Variants in HIVEP3 observed in about 807,000 individuals in gnomAD.
The protein encoded by HIVEP3 is transcription factor HIVEP3.
Under a neutral mutation model 152.8 loss-of-function variants are expected in HIVEP3, and 49 were observed. The observed-to-expected ratio is 0.32, with a 90% CI of 0.26 to 0.41. The LOEUF (loss-of-function observed/expected upper bound fraction) is 0.41, where lower values mean the gene tolerates loss of function less well. Ranked by LOEUF, HIVEP3 falls within the 10% of genes least tolerant of loss-of-function variation. The pLI, the probability that HIVEP3 is intolerant of heterozygous loss-of-function variation, is 1.00. For synonymous variants in HIVEP3, 1,269 were observed against 1,289.0 expected, an observed-to-expected ratio of 0.98 and a Z score of 0.33; for missense variants, 2,790 against 3,103.3, an observed-to-expected ratio of 0.90 and a Z score of 2.40.
At chr1:41,724,903 G>A (rs2124175349) in intron 1 of HIVEP3, among the ~76,000 whole-genome samples, 1 of 152,372 alleles carries the variant, frequency 6.6e-6, no homozygotes, top group Non-Finnish European at 1.5e-5. Context: ...GACTCCGGTT[G>A]TGCTCTCACA....
intron 4 of HIVEP3, among the ~76,000 whole-genome samples, chr1:41,577,198 G>A (rs747837612): frequency 1.4e-4 from 22 of 152,190 alleles, no homozygotes; most frequent in Non-Finnish European, 2.8e-4. Context: ...TTTAGCTTTT[G>A]ATGACAACAA....
At position 41,998,887 on chromosome 1, in the gene HIVEP3, C is replaced by CTTTTTTT. The variant is rs1184823372; in HGVS notation, n.119+36919_119+36920insAAAAAAA. ...GCTGGTTTTTAATACTTTTCTCTCTCTCTTTTTTTTTTTTTTTTTTTTTTT... is the reference window on the plus strand; with the variant it reads ...GCTGGTTTTTAATACTTTTCTCTCTCTTTTTTTTCTTTTTTTTTTTTTTTTTTTTTTT... On this transcript the variant is annotated intron_variant and non_coding_transcript_variant, in intron 1 of 3. Coordinates refer to the HIVEP3 transcript ENST00000489103. Among the ~76,000 whole-genome samples the CTTTTTTT allele has an allele frequency of 8.2e-3, 632 of 77,216 alleles. 36 individuals are homozygous for CTTTTTTT. The highest frequency in any genetic ancestry group is 0.011 in the East Asian group (18 of 1,592). The allele number at this position is 77,216 out of a possible 152,430, so 50.7% of individuals were successfully genotyped here. A position where few individuals can be genotyped will look rare whatever the true frequency, so the allele number is the denominator to read the frequency against.
chr1:41,875,921 C>G (rs79939061), intron 1 of HIVEP3, among the ~76,000 whole-genome samples: 1 of 152,166 alleles, frequency 6.6e-6, no homozygotes, highest in Non-Finnish European at 1.5e-5. Flanking sequence ...TCTCCCCCAC[C>G]GGGATGCAAG....
intron 5 of HIVEP3, among the ~76,000 whole-genome samples, chr1:41,547,942 G>A (rs1343409149): frequency 6.6e-6 from 1 of 151,694 alleles, no homozygotes; most frequent in East Asian, 1.9e-4. Context: ...AGCCTCCCTA[G>A]CACCCCTTTC....
chr1:41,868,477 C>G (rs949666326), intron 1 of HIVEP3, among the ~76,000 whole-genome samples: 1 of 152,108 alleles, frequency 6.6e-6, no homozygotes, highest in Non-Finnish European at 1.5e-5. Context: ...GCCAGATGAA[C>G]CGATAAGACA....
chr1:41,687,312 A>G (rs564961382), intron 2 of HIVEP3, among the ~76,000 whole-genome samples: 80 of 152,356 alleles, frequency 5.3e-4, no homozygotes, highest in African/African-American at 1.9e-3. Context: ...CCAAGATGAC[A>G]TAACCTGACT....
intron 1 of HIVEP3, among the ~76,000 whole-genome samples, chr1:42,001,269 T>C (rs1007164233): frequency 6.6e-6 from 1 of 152,216 alleles, no homozygotes; most frequent in Non-Finnish European, 1.5e-5. Flanking sequence ...CACTGAACTG[T>C]CAGCTCAGAA....
intron 5 of HIVEP3, among the ~76,000 whole-genome samples, chr1:41,526,454 ATGCT>A (rs1642916216): frequency 8.7e-6 from 1 of 114,530 alleles, no homozygotes; most frequent in African/African-American, 3.4e-5. Flanking sequence ...CCTCACACAC[ATGCT>A]CACACCCCCA....
At chr1:41,590,460 C>A (rs910794355) in intron 3 of HIVEP3, among the ~76,000 whole-genome samples, 2 of 152,202 alleles carry the variant, frequency 1.3e-5, no homozygotes, top group African/African-American at 2.4e-5. Context: ...CCCTCCACCT[C>A]TCCATTTTGT....
At chr1:41,755,262 T>C (rs752822178) in intron 1 of HIVEP3, among the ~76,000 whole-genome samples, 10 of 152,140 alleles carry the variant, frequency 6.6e-5, no homozygotes, top group Non-Finnish European at 1.3e-4. Context: ...AAGGAAAACA[T>C]GGACCTCAAT....
chr1:41,794,603 C>CA (rs944528618), intron 1 of HIVEP3, among the ~76,000 whole-genome samples: 2 of 151,748 alleles, frequency 1.3e-5, no homozygotes, highest in Non-Finnish European at 2.9e-5. Context: ...AAACAAAAAA[C>CA]AAAAAAACCC....
chr1:41,579,672 G>T, intron 4 of HIVEP3, 65 bp downstream of exon 4: 2 of 1,505,876 alleles, frequency 1.3e-6, no homozygotes, highest in Non-Finnish European at 8.9e-7. Context: ...GGATACTGTG[G>T]CTTTAAAAGC....
chr1:41,605,742 C>T lies in HIVEP3; in HGVS notation c.-521-20424G>A, dbSNP rs145386564. 8.0e-4 allele frequency among the ~76,000 whole-genome samples: 121 copies of T among 151,712 alleles called. 2 individuals are homozygous for T. In the East Asian group the frequency reaches 0.022, roughly 27 times the overall value. On this transcript the variant is annotated intron_variant, in intron 3 of 8. Coordinates refer to ENST00000372583, the MANE Select transcript of HIVEP3 (RefSeq NM_024503.5). ...GAAAAGGGGATGAGTGGGAGAAAGA[C>T]AGAAAGATGCTGGGGAAACCCTAAT...
intron 1 of HIVEP3, among the ~76,000 whole-genome samples, chr1:41,790,633 A>G (rs1649634727): frequency 6.6e-6 from 1 of 152,164 alleles, no homozygotes; most frequent in African/African-American, 2.4e-5. Flanking sequence ...TAAGAGCAAG[A>G]GCAAGTACCT....
chr1:41,767,480 C>T (rs2124257907), intron 1 of HIVEP3, among the ~76,000 whole-genome samples: 1 of 152,296 alleles, frequency 6.6e-6, no homozygotes, highest in African/African-American at 2.4e-5. Flanking sequence ...GGAGGCAACA[C>T]TGGGAAGAAT....
chr1:41,524,766 G>T lies in HIVEP3; in HGVS notation c.5352C>A (p.Cys1784Ter). The change falls in exon 6 of 9, where the codon TGC (cysteine) becomes TGA (stop). Residue 1784 changes from cysteine to a stop codon, truncating the protein, a stop_gained. Coordinates refer to ENST00000372583, the MANE Select transcript of HIVEP3 (RefSeq NM_024503.5). LOFTEE classifies it high-confidence loss of function. The part of the protein sequence containing the change: ...RTHTDVRPYV[C>*]KHCHFAFKTK... Reference sequence around the variant, plus strand: ...TTTTAAAAGCAAAGTGACAGTGCTTGCACACATAGGGCCGGACGTCAGTGT... The same window carrying T: ...TTTTAAAAGCAAAGTGACAGTGCTTTCACACATAGGGCCGGACGTCAGTGT... The T allele has an allele frequency of 6.2e-7, 1 of 1,614,122 alleles. No homozygotes were observed. Among genetic ancestry groups the T allele is most frequent in the Non-Finnish European group, 8.5e-7 (1 of 1,180,024 alleles).
chr1:41,619,735 G>A (rs1331166251), intron 3 of HIVEP3, among the ~76,000 whole-genome samples: 1 of 152,170 alleles, frequency 6.6e-6, no homozygotes, highest in Non-Finnish European at 1.5e-5. Flanking sequence ...GGTCAGCTGG[G>A]AGGCTGTCCG....
At chr1:41,704,167 G>C (rs575755916) in intron 1 of HIVEP3, among the ~76,000 whole-genome samples, 37 of 152,348 alleles carry the variant, frequency 2.4e-4, no homozygotes, top group Non-Finnish European at 3.5e-4. Context: ...GTAACAATGA[G>C]CTTACAGGAT....
intron 5 of HIVEP3, among the ~76,000 whole-genome samples, chr1:41,572,091 C>G (rs149274023): frequency 9.1e-4 from 138 of 152,254 alleles, no homozygotes; most frequent in African/African-American, 3.1e-3. Flanking sequence ...CATCTGAGAT[C>G]TGGATGTGGA....
Sources: gnomAD v4.1 joint callset for allele counts (sites outside exome capture counted in the v4.1 genomes callset) on GRCh38, gnomAD v4.1.1 for gene constraint, MANE v1.5 for transcripts, NCBI Gene and HGNC (gene_info 2026-07-23, HGNC 2026-07-21) for gene names.